Variants in METTL9 observed in about 807,000 individuals in gnomAD.
METTL9 encodes protein-L-histidine N-pros-methyltransferase.
METTL9 carries 10 observed loss-of-function variants against 36.0 expected under a neutral mutation model. The ratio of observed to expected loss-of-function variants is 0.28; its 90% CI spans 0.17 to 0.47. The LOEUF (loss-of-function observed/expected upper bound fraction) is 0.47, where lower values mean the gene tolerates loss of function less well. Among genes scored for constraint, METTL9 ranks in the 20% least tolerant of loss-of-function variants. The probability of loss-of-function intolerance (pLI) is 0.99; values close to 1 mark genes in which losing one functional copy is unlikely to be tolerated. For synonymous variants in METTL9, 175 were observed against 149.7 expected, an observed-to-expected ratio of 1.17 and a Z score of -1.23; for missense variants, 246 against 383.5, an observed-to-expected ratio of 0.64 and a Z score of 3.00.
At chr16:21,619,626 CAG>C (rs1269849621) in intron 3 of METTL9, among the ~76,000 whole-genome samples, 2 of 132,730 alleles carry the variant, frequency 1.5e-5, no homozygotes, top group Non-Finnish European at 3.1e-5. Flanking sequence ...TTAGTAGAGA[CAG>C]GGTTTCACTA....
At chr16:21,601,150 C>CA (rs1294435959) in intron 1 of METTL9, among the ~76,000 whole-genome samples, 1 of 152,114 alleles carries the variant, frequency 6.6e-6, no homozygotes, top group Non-Finnish European at 1.5e-5. Flanking sequence ...TTGTTAGGTG[C>CA]AATATCAGTA....
chr16:21,644,333 A>C (rs1171834180), intron 4 of METTL9: 2 of 1,614,004 alleles, frequency 1.2e-6, no homozygotes, highest in Non-Finnish European at 8.5e-7. Context: ...GGTCACATAG[A>C]CAGAGAGCAG....
intron 4 of METTL9, chr16:21,647,582 C>T: frequency 1.4e-6 from 2 of 1,473,308 alleles, no homozygotes; most frequent in Non-Finnish European, 1.8e-6. Flanking sequence ...CCCAGCCATT[C>T]TGTTATTTTT....
At chr16:21,627,177 G>C (rs1446980496) in intron 4 of METTL9, 1 of 985,232 alleles carries the variant, frequency 1.0e-6, no homozygotes, top group Non-Finnish European at 1.2e-6. Context: ...ATTAGATCCT[G>C]ATGATTTCCA....
intron 3 of METTL9, among the ~76,000 whole-genome samples, chr16:21,624,357 C>G (rs1965772754): frequency 1.3e-5 from 2 of 152,100 alleles, no homozygotes; most frequent in Non-Finnish European, 2.9e-5. Context: ...CATCTTCATA[C>G]TTATTAAACA....
intron 4 of METTL9, among the ~76,000 whole-genome samples, chr16:21,645,043 G>C (rs920584450): frequency 6.6e-6 from 1 of 152,180 alleles, no homozygotes; most frequent in African/African-American, 2.4e-5. Context: ...ATTGTCTTGT[G>C]CTCTGGGTAG....
chr16:21,627,359 G>A (rs1965839100), intron 4 of METTL9: 2 of 984,864 alleles, frequency 2.0e-6, no homozygotes, highest in African/African-American at 3.5e-5. Context: ...TTTGGTAAAT[G>A]GCTTGAAGTT....
chr16:21,598,496 T>TA (rs1454772670), upstream of METTL9, among the ~76,000 whole-genome samples: 1 of 152,220 alleles, frequency 6.6e-6, no homozygotes, highest in East Asian at 1.9e-4. Context: ...GTTTTGAACT[T>TA]AGACACATTT....
intron 1 of METTL9, chr16:21,612,094 A>G (rs538680753): frequency 6.6e-6 from 1 of 152,414 alleles, no homozygotes; most frequent in East Asian, 1.9e-4. Context: ...TACATAGTCC[A>G]CAAGAGGAAA....
chr16:21,654,189 A>C (rs547930872), intron 4 of METTL9: 1 of 151,834 alleles, frequency 6.6e-6, no homozygotes, highest in Non-Finnish European at 1.5e-5. Flanking sequence ...CTACAGGTGC[A>C]TGTTGCCATG....
chr16:21,640,490 C>A (rs933725633), intron 4 of METTL9: 22 of 151,020 alleles, frequency 1.5e-4, no homozygotes, highest in African/African-American at 5.4e-4. Context: ...GTGGCTCACG[C>A]CTGTAATCCC....
At position 21,643,015 on chromosome 16, in the gene METTL9, G is replaced by GTT; in HGVS notation, c.752-12207_752-12206dup. On this transcript the variant is annotated intron_variant, in intron 4 of 4. Transcript: ENST00000358154. ...TTCTTGACAGCTCCTTGGCAGCTTAGTTTTTTCAAACGTGCTTTATATCTG... is the reference window on the plus strand; with the variant it reads ...TTCTTGACAGCTCCTTGGCAGCTTAGTTTTTTTTCAAACGTGCTTTATATCTG... The GTT allele has an allele frequency of 5.0e-6, 6 of 1,205,910 alleles. No individual in the cohort carries two copies. The South Asian group carries it at 7.5e-5, about 15-fold the overall frequency. 74.7% of individuals were successfully genotyped at this position (1,205,910 alleles called of 1,614,324 possible).
upstream of METTL9, chr16:21,597,390 A>G: frequency 1.2e-6 from 1 of 842,286 alleles, no homozygotes; most frequent in Non-Finnish European, 1.7e-6. Flanking sequence ...AAATGTAAAT[A>G]GCATGGGTTT....
At chr16:21,612,382 A>G (rs975814341) in intron 1 of METTL9, 2 of 292,444 alleles carry the variant, frequency 6.8e-6, no homozygotes, top group Non-Finnish European at 1.2e-5. Flanking sequence ...GAATGACCCA[A>G]AAGCCTCTCC....
At chr16:21,647,228 T>C (rs773739508) in intron 4 of METTL9, 2 of 1,614,052 alleles carry the variant, frequency 1.2e-6, no homozygotes, top group African/African-American at 2.7e-5. Context: ...TGCACTGTCA[T>C]TTGAAGTCAC....
intron 3 of METTL9, among the ~76,000 whole-genome samples, chr16:21,621,172 GTGTT>G (rs746744956): frequency 6.6e-6 from 1 of 151,796 alleles, no homozygotes; most frequent in Non-Finnish European, 1.5e-5. Flanking sequence ...GTGTGTGTGT[GTGTT>G]TTTGTGTGTT....
chr16:21,621,990 A>G (rs914376714), intron 3 of METTL9, among the ~76,000 whole-genome samples: 7 of 150,792 alleles, frequency 4.6e-5, no homozygotes, highest in African/African-American at 1.7e-4. Context: ...CTACAGGCGC[A>G]TGCTGCCACG....
intron 4 of METTL9, chr16:21,627,426 C>G: frequency 6.1e-6 from 6 of 977,288 alleles, no homozygotes; most frequent in Non-Finnish European, 7.3e-6. Flanking sequence ...ATTCTAATTT[C>G]AGTTTATTTG....
Position 21,599,691 on chromosome 16 carries a change from C to T in METTL9, c.-43C>T, listed in dbSNP as rs539869372. 4.9e-4 allele frequency: 697 copies of T among 1,435,194 alleles called. 6 individuals carry two copies. In the African/African-American group the frequency reaches 9.6e-3, roughly 20 times the overall value. The allele number at this position is 1,435,194 out of a possible 1,614,324, so 88.9% of individuals were successfully genotyped here. On this transcript the variant is annotated 5_prime_UTR_variant, in exon 1 of 5. Transcript: ENST00000358154. This position sits in a 1 kb window ranked among gnomAD's most constrained non-coding sequence, Gnocchi z 4.4. ...AGGCGGCGGTGCCTCCTCCTCCTCGCCCCGGCGCCGGCGGTGATCCGAGCG... is the reference window on the plus strand; with the variant it reads ...AGGCGGCGGTGCCTCCTCCTCCTCGTCCCGGCGCCGGCGGTGATCCGAGCG...
Sources: gnomAD v4.1 joint callset for allele counts (sites outside exome capture counted in the v4.1 genomes callset) on GRCh38, gnomAD v4.1.1 for gene constraint, Gnocchi (gnomAD v3.1) non-coding constraint, MANE v1.5 for transcripts, NCBI Gene and HGNC (gene_info 2026-07-23, HGNC 2026-07-21) for gene names.